Variants in HDAC4 observed in about 807,000 individuals in gnomAD.
HDAC4 encodes the protein histone deacetylase A.
A neutral mutation model predicts 135.1 loss-of-function variants in HDAC4; 16 were observed. The ratio of observed to expected loss-of-function variants is 0.12; its 90% CI spans 0.08 to 0.18. HDAC4 has a LOEUF of 0.18. Among genes scored for constraint, HDAC4 ranks in the 10% least tolerant of loss-of-function variants. HDAC4 has a pLI of 1.00. For synonymous variants in HDAC4, 685 were observed against 653.4 expected, an observed-to-expected ratio of 1.05 and a Z score of -0.74; for missense variants, 1,143 against 1,511.8, an observed-to-expected ratio of 0.76 and a Z score of 4.05.
At chr2:239,203,397 C>A (rs1171656482) in intron 3 of HDAC4, among the ~76,000 whole-genome samples, 1 of 152,172 alleles carries the variant, frequency 6.6e-6, no homozygotes. Context: ...TAGAAAATTC[C>A]ATTTTTTACT....
intron 3 of HDAC4, among the ~76,000 whole-genome samples, chr2:239,228,566 G>A (rs1377488942): frequency 2.6e-5 from 4 of 152,146 alleles, no homozygotes; most frequent in Non-Finnish European, 5.9e-5. Context: ...AATCAGAAGT[G>A]ACTTGTCTCC....
At chr2:239,249,754 C>A (rs1460319072) in intron 2 of HDAC4, among the ~76,000 whole-genome samples, 4 of 150,216 alleles carry the variant, frequency 2.7e-5, no homozygotes, top group Non-Finnish European at 4.4e-5. Context: ...AATATTTATT[C>A]ATTCCTTTAG....
At chr2:239,066,620 G>T in intron 24 of HDAC4, 102 bp downstream of exon 24, 1 of 1,520,958 alleles carries the variant, frequency 6.6e-7, no homozygotes. Context: ...CGTGGTCAGA[G>T]ACCCACTGGC....
chr2:239,184,286 G>C (rs1396443009), intron 4 of HDAC4, among the ~76,000 whole-genome samples: 1 of 150,890 alleles, frequency 6.6e-6, no homozygotes. Context: ...GTGCCCTATG[G>C]GGGGGTCCCT....
Position 239,102,833 on chromosome 2 carries a change from G to C in HDAC4, c.2176C>G (p.Leu726Val). ...LQTVHSEAHTLLYGTNPLNRQ... is the reference protein window; with the variant it reads ...LQTVHSEAHTVLYGTNPLNRQ... ...TTGAGGGGGTTCGTGCCATACAGGA[G>C]GGTGTGGGCTTCCGAGTGCACCGTC... The change falls in exon 16 of 27, where the codon CTC (leucine) becomes GTC (valine). Residue 726 changes from leucine (L) to valine (V), a missense_variant. Physicochemically the swap from Leu to Val is conservative, Grantham distance 32 (BLOSUM62 1). This residue lies in a region of HDAC4 where 47 missense variants were observed against 117.2 expected (regional missense o/e 0.40). Transcript: ENST00000543185. 4 of 1,613,966 alleles carry C rather than the reference G, an allele frequency of 2.5e-6. No individual in the cohort carries two copies. Among genetic ancestry groups the C allele is most frequent in the Non-Finnish European group, 3.4e-6 (4 of 1,179,990 alleles).
chr2:239,227,290 G>C (rs931753422), intron 3 of HDAC4, among the ~76,000 whole-genome samples: 1 of 152,186 alleles, frequency 6.6e-6, no homozygotes, highest in Non-Finnish European at 1.5e-5. Flanking sequence ...GAACAGCACT[G>C]AAAACTGCGG....
intron 2 of HDAC4, among the ~76,000 whole-genome samples, chr2:239,241,919 T>C (rs1420523432): frequency 6.6e-6 from 1 of 152,140 alleles, no homozygotes; most frequent in African/African-American, 2.4e-5. Context: ...TTAACCACCA[T>C]AACTGTACAA....
rs2052733944 is a variant in HDAC4, at chr2:239,308,782, C to A, written c.22+43896G>T. ...CGCCAGCGCCCTCACTCCCCCAGGG[C>A]CTGTACCTGTAGCAGGAGGCTCACG... is the stretch of plus-strand genomic sequence containing the variant. On this transcript the variant is annotated intron_variant, in intron 2 of 26. Coordinates refer to ENST00000543185, the MANE Select transcript of HDAC4 (RefSeq NM_001378414.1). This position sits in a 1 kb window ranked among gnomAD's most constrained non-coding sequence, Gnocchi z 4.2. Among the ~76,000 whole-genome samples, 1 of 152,142 alleles carries A rather than the reference C, an allele frequency of 6.6e-6. No homozygotes were observed. The highest frequency in any genetic ancestry group is 2.4e-5 in the African/African-American group (1 of 41,430).
At position 239,087,621 on chromosome 2, in the gene HDAC4, G is replaced by A; in HGVS notation, c.2389-7C>T. 1.2e-6 allele frequency: 2 copies of A among 1,613,654 alleles called. No homozygotes were observed. Among genetic ancestry groups the A allele is most frequent in the Middle Eastern group, 1.7e-4 (1 of 6,060 alleles). On this transcript the variant is annotated splice_polypyrimidine_tract_variant and splice_region_variant and intron_variant, in intron 18 of 26. Transcript: ENST00000543185. The stretch of plus-strand genomic sequence containing the variant: ...GGACCACAGCAAAGCCATTCTGCAG[G>A]TGACACCAGACAGCCAGGAGAGAGC...
At chr2:239,132,683 T>C (rs1443396369) in intron 11 of HDAC4, among the ~76,000 whole-genome samples, 1 of 152,190 alleles carries the variant, frequency 6.6e-6, no homozygotes, top group East Asian at 1.9e-4. Context: ...ACACTCGATA[T>C]CCAGGTTCTA....
intron 1 of HDAC4, among the ~76,000 whole-genome samples, chr2:239,387,736 T>G (rs1345464186): frequency 6.6e-6 from 1 of 151,994 alleles, no homozygotes; most frequent in Non-Finnish European, 1.5e-5. Flanking sequence ...GGAACGTGGC[T>G]CCACCAAGAT....
At chr2:239,325,337 T>G (rs1187198094) in intron 2 of HDAC4, among the ~76,000 whole-genome samples, 1 of 152,164 alleles carries the variant, frequency 6.6e-6, no homozygotes, top group African/African-American at 2.4e-5. Flanking sequence ...AGATTATATA[T>G]CTATAACATA....
intron 9 of HDAC4, among the ~76,000 whole-genome samples, chr2:239,136,783 ACGCTT>A (rs1413606939): frequency 2.6e-5 from 4 of 152,164 alleles, no homozygotes; most frequent in African/African-American, 9.7e-5. Context: ...ATAGGAAGAA[ACGCTT>A]CTCCTGACAA....
chr2:239,074,343 G>T (rs2034520544), intron 22 of HDAC4, among the ~76,000 whole-genome samples: 1 of 152,262 alleles, frequency 6.6e-6, no homozygotes, highest in Non-Finnish European at 1.5e-5. Flanking sequence ...GCGAGCGCAC[G>T]TGGAGGCTTT....
At chr2:239,168,201 G>C (rs2043228692) in intron 5 of HDAC4, among the ~76,000 whole-genome samples, 1 of 152,224 alleles carries the variant, frequency 6.6e-6, no homozygotes, top group Admixed American at 6.5e-5. Context: ...ACAGAGCAAA[G>C]GACTTGCTCA....
intron 2 of HDAC4, among the ~76,000 whole-genome samples, chr2:239,261,885 C>G (rs1184831353): frequency 6.6e-6 from 1 of 152,192 alleles, no homozygotes; most frequent in Non-Finnish European, 1.5e-5. Context: ...CTGCTGCCAG[C>G]CTGCCCAGGG....
At chr2:239,225,596 G>C (rs1051024387) in intron 3 of HDAC4, among the ~76,000 whole-genome samples, 1 of 152,262 alleles carries the variant, frequency 6.6e-6, no homozygotes. Context: ...CCAGGAAGGC[G>C]GGGAAGGCAG....
chr2:239,246,885 G>A (rs1433622594), intron 2 of HDAC4, among the ~76,000 whole-genome samples: 1 of 152,246 alleles, frequency 6.6e-6, no homozygotes, highest in Non-Finnish European at 1.5e-5. Flanking sequence ...GCACATGTGG[G>A]TGCGTCACTG....
At chr2:239,255,882 T>A (rs2049026080) in intron 2 of HDAC4, among the ~76,000 whole-genome samples, 1 of 152,194 alleles carries the variant, frequency 6.6e-6, no homozygotes, top group Non-Finnish European at 1.5e-5. Flanking sequence ...TGGAAACAGC[T>A]ACACACTTGG....
Sources: gnomAD v4.1 joint callset for allele counts (sites outside exome capture counted in the v4.1 genomes callset) on GRCh38, gnomAD v4.1.1 for gene constraint, gnomAD v4.1.1 regional missense constraint, Gnocchi (gnomAD v3.1) non-coding constraint, MANE v1.5 for transcripts, NCBI Gene and HGNC (gene_info 2026-07-23, HGNC 2026-07-21) for gene names.